Variants in RNF212B observed in about 807,000 individuals in gnomAD.
The protein encoded by RNF212B is ring finger protein 212B.
A neutral mutation model predicts 55.5 loss-of-function variants in RNF212B; 52 were observed. The observed-to-expected ratio is 0.94, with a 90% CI of 0.75 to 1.18. RNF212B has a LOEUF of 1.18. RNF212B is among the 50% of genes most tolerant of loss of function. The pLI, the probability that RNF212B is intolerant of heterozygous loss-of-function variation, is 0.00. For synonymous variants in RNF212B, 99 were observed against 121.4 expected, an observed-to-expected ratio of 0.82 and a Z score of 1.21; for missense variants, 289 against 350.4, an observed-to-expected ratio of 0.82 and a Z score of 1.40.
rs1268027607 is a variant in RNF212B at position 23,273,038 on chromosome 14, A to G, written c.*147A>G. ...CTTATGCTCCCCCCATCTTTACCCTATTCACCCTTATCACCTCCCAGGACA... is the reference window on the plus strand; with the variant it reads ...CTTATGCTCCCCCCATCTTTACCCTGTTCACCCTTATCACCTCCCAGGACA... On this transcript the variant is annotated 3_prime_UTR_variant, in exon 15 of 15. Coordinates refer to ENST00000430154, the MANE Select transcript of RNF212B (RefSeq NM_001282322.3). The G allele has an allele frequency of 9.5e-6, 5 of 526,084 alleles. No homozygotes were observed. The highest frequency in any genetic ancestry group is 8.0e-5 in the African/African-American group (4 of 50,056). 32.6% of individuals were successfully genotyped at this position (526,084 alleles called of 1,614,324 possible). A position where few individuals can be genotyped will look rare whatever the true frequency, so the allele number is the denominator to read the frequency against.
chr14:23,272,987 C>A lies in RNF212B; in HGVS notation c.*96C>A. The A allele has an allele frequency of 1.5e-6, 1 of 681,828 alleles. No homozygotes were observed. The allele number at this position is 681,828 out of a possible 1,614,324, so 42.2% of individuals were successfully genotyped here. ...GATGGCCCTGGAAAATGTATCCCTGCATTGTTTCCTAGTTTCACTCTGTAC... is the reference window on the plus strand; with the variant it reads ...GATGGCCCTGGAAAATGTATCCCTGAATTGTTTCCTAGTTTCACTCTGTAC... On this transcript the variant is annotated 3_prime_UTR_variant, in exon 15 of 15. Coordinates refer to ENST00000430154, the MANE Select transcript of RNF212B (RefSeq NM_001282322.3).
chr14:23,244,298 C>G, intron 3 of RNF212B, 24 bp from the exon 4 acceptor site: 1 of 1,388,756 alleles, frequency 7.2e-7, no homozygotes, highest in Non-Finnish European at 9.8e-7. Flanking sequence ...GATATTCTCA[C>G]AGTGTGTATT....
chr14:23,240,976 A>G (rs573128988), intron 2 of RNF212B, among the ~76,000 whole-genome samples: 3 of 152,202 alleles, frequency 2.0e-5, no homozygotes, highest in Non-Finnish European at 4.4e-5. Context: ...CTCAGAGAGG[A>G]TAAGTGATTT....
At chr14:23,262,855 A>G in intron 8 of RNF212B, 73 bp from the exon 9 acceptor site, 1 of 1,477,798 alleles carries the variant, frequency 6.8e-7, no homozygotes, top group Non-Finnish European at 9.3e-7. Context: ...ATAACCATGT[A>G]CAACAAATTG....
chr14:23,220,542 A>G (rs972805397), intron 2 of RNF212B, among the ~76,000 whole-genome samples: 1 of 151,284 alleles, frequency 6.6e-6, no homozygotes, highest in African/African-American at 2.4e-5. Context: ...AAAAAACAAA[A>G]CAGCCGGGCT....
Position 23,262,657 on chromosome 14 carries a change from C to A in RNF212B, c.435-8C>A. ...GATTAGAGCCGCCTCTTTTTTTTTC[C>A]CTTGCAGGTCAATCACACCTCGACC... On this transcript the variant is annotated splice_polypyrimidine_tract_variant and splice_region_variant and intron_variant, in intron 7 of 14. Transcript: ENST00000430154. 15 of 1,542,604 alleles carry A rather than the reference C, an allele frequency of 9.7e-6. No homozygotes were observed. The highest frequency in any genetic ancestry group is 1.3e-5 in the Non-Finnish European group (15 of 1,144,324).
upstream of RNF212B, among the ~76,000 whole-genome samples, chr14:23,237,603 C>A (rs987156140): frequency 3.9e-5 from 6 of 152,194 alleles, 1 homozygote; most frequent in Admixed American, 3.3e-4. Context: ...CAAAAGTTTT[C>A]GCCCACTTTA....
At chr14:23,249,329 T>C (rs1392483167) in intron 4 of RNF212B, among the ~76,000 whole-genome samples, 1 of 152,134 alleles carries the variant, frequency 6.6e-6, no homozygotes. Context: ...GAGGATTGCT[T>C]GAGGCCAGGG....
At chr14:23,207,009 C>T (rs545530828) in intron 2 of RNF212B, among the ~76,000 whole-genome samples, 1 of 152,096 alleles carries the variant, frequency 6.6e-6, no homozygotes, top group South Asian at 2.1e-4. Context: ...TACACACACA[C>T]ATCTTGGGTG....
intron 14 of RNF212B, among the ~76,000 whole-genome samples, chr14:23,272,058 G>A (rs1199971581): frequency 6.6e-6 from 1 of 152,080 alleles, no homozygotes; most frequent in African/African-American, 2.4e-5. Context: ...ATAAAAGATT[G>A]GCCATTAATT....
intron 14 of RNF212B, chr14:23,272,604 T>G (rs997218200): frequency 2.5e-5 from 14 of 560,040 alleles, no homozygotes; most frequent in Non-Finnish European, 3.8e-5. Flanking sequence ...TCATCCTTAT[T>G]ATTATCACCA....
chr14:23,224,723 C>T (rs1339193633), intron 2 of RNF212B, among the ~76,000 whole-genome samples: 1 of 152,138 alleles, frequency 6.6e-6, no homozygotes, highest in African/African-American at 2.4e-5. Flanking sequence ...ACCCCACAAG[C>T]TCAGGCAACC....
intron 14 of RNF212B, chr14:23,272,553 A>AT: frequency 2.2e-6 from 1 of 445,398 alleles, no homozygotes; most frequent in Non-Finnish European, 4.1e-6. Flanking sequence ...TGTGGTAGTC[A>AT]TATGTCCCAG....
intron 4 of RNF212B, among the ~76,000 whole-genome samples, chr14:23,253,991 A>G (rs1248615779): frequency 2.6e-5 from 4 of 152,190 alleles, no homozygotes; most frequent in Non-Finnish European, 4.4e-5. Flanking sequence ...TAAAAATAAG[A>G]ACTAAGGCTA....
At chr14:23,219,950 G>A (rs371122592) in intron 2 of RNF212B, among the ~76,000 whole-genome samples, 5 of 152,072 alleles carry the variant, frequency 3.3e-5, no homozygotes, top group East Asian at 2.0e-4. Flanking sequence ...TTGGGAAGCC[G>A]AGGCAGGTGG....
At chr14:23,225,049 A>G (rs1422064347) in intron 2 of RNF212B, among the ~76,000 whole-genome samples, 1 of 152,096 alleles carries the variant, frequency 6.6e-6, no homozygotes, top group African/African-American at 2.4e-5. Flanking sequence ...AACTACAGTG[A>G]TCAGATTAAG....
intron 1 of RNF212B, among the ~76,000 whole-genome samples, chr14:23,188,767 G>A (rs1193507088): frequency 6.6e-6 from 1 of 152,074 alleles, no homozygotes; most frequent in Non-Finnish European, 1.5e-5. Flanking sequence ...ACTGTGCTGG[G>A]CCTCAGGTTT....
At chr14:23,210,026 C>CTG (rs1388633237) in intron 2 of RNF212B, among the ~76,000 whole-genome samples, 6 of 152,162 alleles carry the variant, frequency 3.9e-5, no homozygotes, top group South Asian at 2.1e-4. Context: ...ATGTGTGTGC[C>CTG]TGTAATCCCA....
intron 2 of RNF212B, among the ~76,000 whole-genome samples, chr14:23,193,586 T>TTATGTTTTTATC (rs1408196508): frequency 6.6e-6 from 1 of 152,120 alleles, no homozygotes; most frequent in African/African-American, 2.4e-5. Context: ...GGGGGCGGAT[T>TTATGTTTTTATC]TATGTTTTTA....
Sources: gnomAD v4.1 joint callset for allele counts (sites outside exome capture counted in the v4.1 genomes callset) on GRCh38, gnomAD v4.1.1 for gene constraint, MANE v1.5 for transcripts, NCBI Gene and HGNC (gene_info 2026-07-23, HGNC 2026-07-21) for gene names.